SRPRB: variants seen among roughly 807,000 people sequenced by gnomAD.
SRPRB encodes SRP receptor subunit beta.
Under a neutral mutation model 31.9 loss-of-function variants are expected in SRPRB, and 20 were observed. That is an observed-to-expected ratio of 0.63 (90% CI 0.44 to 0.91). The LOEUF is 0.91. Among genes scored for constraint, SRPRB ranks in the 40% least tolerant of loss-of-function variants. The pLI, the probability that SRPRB is intolerant of heterozygous loss-of-function variation, is 0.00. For missense variants in SRPRB, 321 were observed against 324.9 expected, an observed-to-expected ratio of 0.99 and a Z score of 0.09; for synonymous variants, 146 against 132.8, an observed-to-expected ratio of 1.10 and a Z score of -0.68.
At chr3:133,804,587 AT>A (rs1214703358), upstream of SRPRB, among the ~76,000 whole-genome samples, 4 of 152,030 alleles carry the variant, frequency 2.6e-5, no homozygotes. Context: ...TAACAGATGT[AT>A]TTTTTTGTGT....
chr3:133,818,300 T>C (rs1343080616), intron 6 of SRPRB, among the ~76,000 whole-genome samples: 1 of 152,192 alleles, frequency 6.6e-6, no homozygotes, highest in African/African-American at 2.4e-5. Flanking sequence ...ACACATGTTT[T>C]CCATAGGCTG....
intron 6 of SRPRB, among the ~76,000 whole-genome samples, chr3:133,818,623 TATA>T (rs2107976204): frequency 6.6e-6 from 1 of 152,318 alleles, no homozygotes; most frequent in South Asian, 2.1e-4. Context: ...ATATCTTACT[TATA>T]ATAGTATATA....
chr3:133,816,819 G>T, intron 5 of SRPRB, 59 bp from the exon 6 acceptor site: 1 of 1,407,292 alleles, frequency 7.1e-7, no homozygotes. Context: ...TGTGTAAGAA[G>T]TCTTGGGGAA....
chr3:133,788,392 A>G (rs893572708), intron 1 of SRPRB: 4 of 152,198 alleles, frequency 2.6e-5, no homozygotes, highest in Admixed American at 2.6e-4. Context: ...AAATTCTGTA[A>G]CTGGGCTCTT....
chr3:133,809,141 C>T (rs2107969988), intron 3 of SRPRB, among the ~76,000 whole-genome samples: 2 of 151,856 alleles, frequency 1.3e-5, no homozygotes, highest in Middle Eastern at 6.8e-3. Flanking sequence ...TACAGGCGCC[C>T]ACCACCATGC....
At chr3:133,806,535 TC>T in intron 1 of SRPRB, 73 bp from the exon 2 acceptor site, 1 of 1,135,182 alleles carries the variant, frequency 8.8e-7, no homozygotes, top group Non-Finnish European at 1.3e-6. Context: ...TCTGTGAATT[TC>T]CCCACCCCAG....
intron 3 of SRPRB, 65 bp from the exon 4 acceptor site, chr3:133,811,052 C>T: frequency 1.3e-6 from 2 of 1,510,234 alleles, no homozygotes; most frequent in Non-Finnish European, 1.8e-6. Context: ...ATATATGATA[C>T]TAAAGGTTTA....
Position 133,805,901 on chromosome 3 carries a change from C to A in SRPRB, c.53C>A (p.Thr18Asn). 3 of 1,613,836 alleles carry A rather than the reference C, an allele frequency of 1.9e-6. No homozygotes were observed. The highest frequency in any genetic ancestry group is 1.7e-5 in the Admixed American group (1 of 60,008). The change falls in exon 1 of 7, where the codon ACC (threonine) becomes AAC (asparagine). Residue 18 changes from threonine (T) to asparagine (N), a missense_variant. Physicochemically the swap from Thr to Asn is moderately conservative, Grantham distance 65. Transcript: ENST00000678299. ...GCAGATGGCGGCGGTGCCGGGGGCA[C>A]CTTCCAGCCCTACCTAGACACCTTG... ...RVADGGGAGG[T>N]FQPYLDTLRQ...
chr3:133,800,201 G>A (rs1001232047), intron 1 of SRPRB, among the ~76,000 whole-genome samples: 5 of 152,164 alleles, frequency 3.3e-5, no homozygotes, highest in East Asian at 1.9e-4. Context: ...TAGGACCTCC[G>A]GGTGTTTCCT....
chr3:133,789,919 C>A (rs1221271269), intron 1 of SRPRB: 2 of 106,996 alleles, frequency 1.9e-5, no homozygotes, highest in Admixed American at 1.2e-4. Context: ...GACAAATGAG[C>A]ATAATTTAAT....
chr3:133,806,128 A>T, intron 1 of SRPRB, 126 bp downstream of exon 1: 1 of 1,217,270 alleles, frequency 8.2e-7, no homozygotes, highest in Non-Finnish European at 1.1e-6. Context: ...GGTGAGACCC[A>T]CCCAGTCTAC....
Position 133,820,545 on chromosome 3 carries a change from G to A in SRPRB, c.*779G>A, listed in dbSNP as rs1354869479. 6.6e-6 allele frequency: 1 copy of A among 152,122 alleles called. No homozygotes were observed. Among genetic ancestry groups the A allele is most frequent in the African/African-American group, 2.4e-5 (1 of 41,406 alleles). 9.4% of individuals were successfully genotyped at this position (152,122 alleles called of 1,614,324 possible). On this transcript the variant is annotated 3_prime_UTR_variant, in exon 7 of 7. Coordinates refer to ENST00000678299, the MANE Select transcript of SRPRB (RefSeq NM_001379313.1). ...CTGAAGGCTCCTGGGCCATCTTCATGTGCTGCTTGAAGAGCTCCTATTTTG... is the reference window on the plus strand; with the variant it reads ...CTGAAGGCTCCTGGGCCATCTTCATATGCTGCTTGAAGAGCTCCTATTTTG...
chr3:133,805,749 G>A, upstream of SRPRB: 1 of 1,467,964 alleles, frequency 6.8e-7, no homozygotes, highest in South Asian at 1.4e-5. Flanking sequence ...GAGAGACTAT[G>A]GCTTAGGAAC....
chr3:133,816,877 G>C lies in SRPRB; in HGVS notation c.548-1G>C. The C allele has an allele frequency of 1.2e-6, 2 of 1,607,248 alleles. No individual in the cohort carries two copies. The highest frequency in any genetic ancestry group is 1.3e-5 in the African/African-American group (1 of 74,836). On this transcript the variant is annotated splice_acceptor_variant, in intron 5 of 6. Coordinates refer to ENST00000678299, the MANE Select transcript of SRPRB (RefSeq NM_001379313.1). LOFTEE classifies it high-confidence loss of function. ...ACAACAGTGTCTTTATTTCTTTACA[G>C]ATATTGCAATGGCAAAATCAGCAAA... is the stretch of plus-strand genomic sequence containing the variant.
downstream of SRPRB, chr3:133,826,569 G>C (rs1169827933): frequency 6.5e-6 from 1 of 152,678 alleles, no homozygotes; most frequent in Non-Finnish European, 1.5e-5. Flanking sequence ...ATTCTCTCGA[G>C]GTAAGTAAGC....
intron 1 of SRPRB, chr3:133,793,507 T>A (rs1328757502): frequency 1.3e-5 from 2 of 152,062 alleles, no homozygotes; most frequent in Admixed American, 1.3e-4. Flanking sequence ...AAGAAAAAAA[T>A]TTAATCTTCT....
At chr3:133,802,153 C>G (rs1035171466), upstream of SRPRB, among the ~76,000 whole-genome samples, 1 of 152,144 alleles carries the variant, frequency 6.6e-6, no homozygotes, top group Non-Finnish European at 1.5e-5. Context: ...GCCTGTAATC[C>G]CACCACTCTG....
chr3:133,806,821 T>G lies in SRPRB; in HGVS notation c.249+118T>G, dbSNP rs1935170459. 1.8e-5 allele frequency: 14 copies of G among 775,650 alleles called. No individual in the cohort carries two copies. The South Asian group carries it at 2.4e-4, about 14-fold the overall frequency. 48.0% of individuals were successfully genotyped at this position (775,650 alleles called of 1,614,324 possible). Reference sequence around the variant, plus strand: ...AGCTGATGCTGTTAAATTTGGAAGTTAATTCTTGACTTACTTGGGAGAACA... The same window carrying G: ...AGCTGATGCTGTTAAATTTGGAAGTGAATTCTTGACTTACTTGGGAGAACA... On this transcript the variant is annotated intron_variant, in intron 2 of 6. Transcript: ENST00000678299.
chr3:133,825,374 C>T (rs1298431047), downstream of SRPRB: 1 of 152,266 alleles, frequency 6.6e-6, no homozygotes, highest in African/African-American at 2.4e-5. Context: ...CCATTTCAAT[C>T]CTTGTTTCTG....
Sources: allele counts gnomAD v4.1 joint callset (sites outside exome capture counted in the v4.1 genomes callset), GRCh38; gene constraint gnomAD v4.1.1; transcripts MANE v1.5; gene names NCBI Gene and HGNC (gene_info 2026-07-23, HGNC 2026-07-21).